RPS6KA2: variants seen among roughly 807,000 people sequenced by gnomAD.
The protein encoded by RPS6KA2 is ribosomal protein S6 kinase A2.
A neutral mutation model predicts 91.8 loss-of-function variants in RPS6KA2; 42 were observed. The ratio of observed to expected loss-of-function variants is 0.46; its 90% CI spans 0.36 to 0.59. The LOEUF (loss-of-function observed/expected upper bound fraction) is 0.59. Ranked by LOEUF, RPS6KA2 falls within the 20% of genes least tolerant of loss-of-function variation. RPS6KA2 has a pLI of 0.00. For synonymous variants in RPS6KA2, 414 were observed against 393.6 expected, an observed-to-expected ratio of 1.05 and a Z score of -0.61; for missense variants, 798 against 978.5, an observed-to-expected ratio of 0.82 and a Z score of 2.46.
chr6:166,704,680 T>G (rs760050851), intron 2 of RPS6KA2, among the ~76,000 whole-genome samples: 3 of 152,228 alleles, frequency 2.0e-5, no homozygotes, highest in Non-Finnish European at 4.4e-5. Flanking sequence ...CTCCTGGATC[T>G]TCACGCAAAA....
At chr6:166,484,558 C>T (rs951121554) in intron 10 of RPS6KA2, among the ~76,000 whole-genome samples, 15 of 152,198 alleles carry the variant, frequency 9.9e-5, no homozygotes, top group African/African-American at 3.1e-4. Flanking sequence ...TGGCCTCATC[C>T]AGTTCCTTTT....
Position 166,493,665 on chromosome 6 carries a change from C to T in RPS6KA2, c.748-2924G>A, listed in dbSNP as rs532009881. 6.6e-6 allele frequency among the ~76,000 whole-genome samples: 1 copy of T among 152,002 alleles called. No homozygotes were observed. Among genetic ancestry groups the T allele is most frequent in the Admixed American group, 6.5e-5 (1 of 15,268 alleles). ...GCCAAAGCTCCACCGGGTGCAGGCC[C>T]GATGCTTCTGGGAAGGTAATTGGAC... is the stretch of plus-strand genomic sequence containing the variant. On this transcript the variant is annotated intron_variant, in intron 8 of 20. Coordinates refer to ENST00000265678, the MANE Select transcript of RPS6KA2 (RefSeq NM_021135.6). The surrounding 1 kb of genome is among the most constrained non-coding windows in gnomAD (Gnocchi z 4.7).
intron 10 of RPS6KA2, among the ~76,000 whole-genome samples, chr6:166,470,821 T>C (rs1250033025): frequency 1.3e-5 from 2 of 152,188 alleles, no homozygotes; most frequent in Non-Finnish European, 2.9e-5. Flanking sequence ...AGTTTTTCTG[T>C]AAACTTAAAA....
At chr6:166,477,582 C>T (rs1781023451) in intron 10 of RPS6KA2, among the ~76,000 whole-genome samples, 1 of 152,194 alleles carries the variant, frequency 6.6e-6, no homozygotes. Flanking sequence ...TTTACTGTAG[C>T]AAATCCTCTC....
chr6:166,612,629 G>A lies in RPS6KA2; in HGVS notation c.99+14292C>T, dbSNP rs568861453. On this transcript the variant is annotated intron_variant, in intron 1 of 20. Transcript: ENST00000265678. This position sits in a 1 kb window ranked among gnomAD's most constrained non-coding sequence, Gnocchi z 4.3. ...GACCGAGGTCAGACACTGCTTTGCA[G>A]AGCCCGTGGGCTGTGCTCCATTTAT... is the stretch of plus-strand genomic sequence containing the variant. Among the ~76,000 whole-genome samples the A allele has an allele frequency of 4.6e-5, 7 of 152,328 alleles. 1 individual carries two copies. In the South Asian group the frequency reaches 1.2e-3, roughly 27 times the overall value.
chr6:166,786,242 G>A (rs184458228), intron 2 of RPS6KA2, among the ~76,000 whole-genome samples: 62 of 152,328 alleles, frequency 4.1e-4, no homozygotes, highest in African/African-American at 1.4e-3. Context: ...GTGGCAGCCT[G>A]GCTCAGCCAG....
Position 166,446,597 on chromosome 6 carries a change from C to G in RPS6KA2, c.1332+2127G>C, listed in dbSNP as rs1363882219. Among the ~76,000 whole-genome samples, 9 of 152,164 alleles carry G rather than the reference C, an allele frequency of 5.9e-5. No individual in the cohort carries two copies. The East Asian group carries it at 1.7e-3, about 29-fold the overall frequency. ...AACAAGATCTTTGAGGACTGACGGA[C>G]TGAGTTTAAGCTGTGTAACAAAGCT... On this transcript the variant is annotated intron_variant, in intron 14 of 20. Transcript: ENST00000265678.
intron 10 of RPS6KA2, among the ~76,000 whole-genome samples, chr6:166,470,282 C>T (rs983116455): frequency 2.0e-5 from 3 of 152,268 alleles, no homozygotes; most frequent in Non-Finnish European, 2.9e-5. Flanking sequence ...CCCAGGAGGC[C>T]GGAGGGGAAG....
chr6:166,752,337 T>TC (rs1177898275), intron 2 of RPS6KA2, among the ~76,000 whole-genome samples: 1 of 152,084 alleles, frequency 6.6e-6, no homozygotes, highest in Non-Finnish European at 1.5e-5. Flanking sequence ...AGAGTACACA[T>TC]CCTTTACCAA....
chr6:166,530,332 T>TA (rs1210982152), intron 3 of RPS6KA2, among the ~76,000 whole-genome samples: 4 of 152,006 alleles, frequency 2.6e-5, no homozygotes, highest in Non-Finnish European at 5.9e-5. Flanking sequence ...GCACCCACCC[T>TA]AAAAGGCTTC....
In RPS6KA2 at chr6:166,851,174, C is replaced by T. The variant is rs190010630; in HGVS notation, c.123+7026G>A. On this transcript the variant is annotated intron_variant, in intron 2 of 21. Coordinates refer to the RPS6KA2 transcript ENST00000503859. Reference sequence around the variant, plus strand: ...GAGGGTGCAAGGCGTGGAAAACAGGCGCACATCAAGAGTTGGGTTGTTATT... The same window carrying T: ...GAGGGTGCAAGGCGTGGAAAACAGGTGCACATCAAGAGTTGGGTTGTTATT... 2.9e-3 allele frequency among the ~76,000 whole-genome samples: 449 copies of T among 152,270 alleles called. 8 individuals carry two copies. The highest frequency in any genetic ancestry group is 4.8e-3 in the Non-Finnish European group (325 of 68,010).
chr6:166,438,721 T>C (rs1779423853), intron 14 of RPS6KA2, among the ~76,000 whole-genome samples: 1 of 152,224 alleles, frequency 6.6e-6, no homozygotes, highest in African/African-American at 2.4e-5. Context: ...TGTTTGAAGA[T>C]ACAACAGGCC....
In RPS6KA2 at chr6:166,508,420, T is replaced by C. The variant is rs1583220540; in HGVS notation, c.380-138A>G. 1.6e-6 allele frequency: 1 copy of C among 627,886 alleles called. No homozygotes were observed. The highest frequency in any genetic ancestry group is 1.8e-5 in the African/African-American group (1 of 55,088). 38.9% of individuals were successfully genotyped at this position (627,886 alleles called of 1,614,324 possible). On this transcript the variant is annotated intron_variant, in intron 4 of 20. Coordinates refer to ENST00000265678, the MANE Select transcript of RPS6KA2 (RefSeq NM_021135.6). This position sits in a 1 kb window ranked among gnomAD's most constrained non-coding sequence, Gnocchi z 4.3. Reference sequence around the variant, plus strand: ...TGAGAAACGGCAGGACCCCGGCTGGTGACCAGCTCAGAGGGGCAGCACCCG... The same window carrying C: ...TGAGAAACGGCAGGACCCCGGCTGGCGACCAGCTCAGAGGGGCAGCACCCG...
intron 2 of RPS6KA2, among the ~76,000 whole-genome samples, chr6:166,646,320 C>G (rs945941354): frequency 4.6e-5 from 7 of 152,192 alleles, no homozygotes; most frequent in Admixed American, 3.3e-4. Context: ...AGCAGGGACC[C>G]CCCTGGACCC....
At chr6:166,521,681 T>C (rs1449528700) in intron 3 of RPS6KA2, among the ~76,000 whole-genome samples, 1 of 152,114 alleles carries the variant, frequency 6.6e-6, no homozygotes, top group Non-Finnish European at 1.5e-5. Flanking sequence ...GATACTGACA[T>C]TGGGGATCAG....
At chr6:166,444,705 G>T (rs1779624277) in intron 14 of RPS6KA2, among the ~76,000 whole-genome samples, 1 of 152,234 alleles carries the variant, frequency 6.6e-6, no homozygotes, top group Non-Finnish European at 1.5e-5. Context: ...GGACGTTCTA[G>T]TGTTGTTTGC....
At chr6:166,432,257 T>C (rs1779159075) in intron 15 of RPS6KA2, 144 bp downstream of exon 15, 3 of 641,524 alleles carry the variant, frequency 4.7e-6, no homozygotes, top group Middle Eastern at 5.1e-4. Context: ...GCAAGTCAGC[T>C]CCAAGTGACT....
At chr6:166,709,580 A>G (rs1289439515) in intron 2 of RPS6KA2, among the ~76,000 whole-genome samples, 1 of 152,252 alleles carries the variant, frequency 6.6e-6, no homozygotes, top group Non-Finnish European at 1.5e-5. Flanking sequence ...TTTCTTCATA[A>G]AAGTCAGAAT....
chr6:166,719,035 C>T (rs1228197364), intron 2 of RPS6KA2, among the ~76,000 whole-genome samples: 1 of 152,238 alleles, frequency 6.6e-6, no homozygotes, highest in African/African-American at 2.4e-5. Flanking sequence ...AAACTTTTCT[C>T]TACATGTACA....
Sources: gnomAD v4.1 joint callset for allele counts (sites outside exome capture counted in the v4.1 genomes callset) on GRCh38, gnomAD v4.1.1 for gene constraint, Gnocchi (gnomAD v3.1) non-coding constraint, MANE v1.5 for transcripts, NCBI Gene and HGNC (gene_info 2026-07-23, HGNC 2026-07-21) for gene names.